CHMP6: variants seen among roughly 807,000 people sequenced by gnomAD.
The protein encoded by CHMP6 is charged multivesicular body protein 6, also known as chromatin-modifying protein 6.
A neutral mutation model predicts 32.8 loss-of-function variants in CHMP6; 10 were observed. The observed-to-expected ratio is 0.30, with a 90% CI of 0.19 to 0.52. The LOEUF (loss-of-function observed/expected upper bound fraction) is 0.52. Among genes scored for constraint, CHMP6 ranks in the 20% least tolerant of loss-of-function variants. CHMP6 has a pLI of 0.97. For missense variants in CHMP6, 269 were observed against 263.8 expected (o/e 1.02, Z -0.14); for synonymous variants, 123 against 105.8 (o/e 1.16, Z -1.00).
At chr17:80,999,055 G>A (rs1389448756) in intron 7 of CHMP6, 43 bp from the exon 8 acceptor site, 1 of 1,611,986 alleles carries the variant, frequency 6.2e-7, no homozygotes, top group Non-Finnish European at 8.5e-7. Context: ...GTCTCTGCCT[G>A]TGGGTCTTTG....
chr17:80,995,992 C>T (rs1783164040), intron 4 of CHMP6, among the ~76,000 whole-genome samples: 1 of 151,974 alleles, frequency 6.6e-6, no homozygotes, highest in South Asian at 2.1e-4. Context: ...GAAGGGAAGT[C>T]TGAGGGTGGG....
rs764165077 is a variant in CHMP6 at position 80,997,311 on chromosome 17, C to G, written c.465C>G (p.Ala155=). 1.8e-5 allele frequency: 29 copies of G among 1,610,936 alleles called. No individual in the cohort carries two copies. Among genetic ancestry groups the G allele is most frequent in the Non-Finnish European group, 2.4e-5 (28 of 1,178,194 alleles). ...AGSFTQEDED[A]ILEELSAITQ... ...GCTTCACTCAGGAGGATGAAGACGC[C>G]ATCCTGGAGGAGCTGAGCGCAATCA... Residue 155 remains alanine (A), a synonymous_variant, in exon 6 of 8, where the codon GCC becomes GCG. Coordinates refer to ENST00000325167, the MANE Select transcript of CHMP6 (RefSeq NM_024591.5).
rs1246129469 is a variant in CHMP6, at chr17:80,999,783, C to G, written c.*630C>G. The G allele has an allele frequency of 3.3e-5, 5 of 152,526 alleles. No homozygotes were observed. The highest frequency in any genetic ancestry group is 7.2e-5 in the African/African-American group (3 of 41,428). 9.4% of individuals were successfully genotyped at this position (152,526 alleles called of 1,614,324 possible). On this transcript the variant is annotated 3_prime_UTR_variant, in exon 8 of 8. Coordinates refer to ENST00000325167, the MANE Select transcript of CHMP6 (RefSeq NM_024591.5). ...GAGAGCCCTGACTCCCGCCTTGCCA[C>G]TCACGGCTCTGTCCACTAGGGCTCA...
At position 80,999,218 on chromosome 17, in the gene CHMP6, T is replaced by A; in HGVS notation, c.*65T>A. 6 of 1,589,516 alleles carry A rather than the reference T, an allele frequency of 3.8e-6. No homozygotes were observed. Among genetic ancestry groups the A allele is most frequent in the Non-Finnish European group, 5.2e-6 (6 of 1,158,682 alleles). ...GACTGTGGCCCACAGAGAGTTTGGG[T>A]CACGGCCAGCCCCTGACCGGGTTCC... is the stretch of plus-strand genomic sequence containing the variant. On this transcript the variant is annotated 3_prime_UTR_variant, in exon 8 of 8. Transcript: ENST00000325167.
chr17:80,995,550 G>C, intron 3 of CHMP6, 122 bp from the exon 4 acceptor site: 1 of 752,694 alleles, frequency 1.3e-6, no homozygotes, highest in Admixed American at 2.1e-5. Flanking sequence ...CAGGTGTCAG[G>C]AGTCACCCTC....
intron 7 of CHMP6, 96 bp downstream of exon 7, chr17:80,998,516 G>A: frequency 6.2e-7 from 1 of 1,604,392 alleles, no homozygotes; most frequent in South Asian, 1.1e-5. Context: ...GGCCTTCCTG[G>A]GCCGTGGGCA....
intron 6 of CHMP6, among the ~76,000 whole-genome samples, chr17:80,997,561 C>T (rs570898486): frequency 7.2e-5 from 11 of 152,186 alleles, no homozygotes; most frequent in African/African-American, 2.2e-4. Flanking sequence ...CTGGACAGAG[C>T]GGGGGTGCTG....
chr17:80,999,443 C>G lies in CHMP6; in HGVS notation c.*290C>G, dbSNP rs886563259. ...CCCGGTGGCCGAGGCCCAGGCCCAA[C>G]GCCTCTGGTGCTGTTCCCCTGCAGT... On this transcript the variant is annotated 3_prime_UTR_variant, in exon 8 of 8. Transcript: ENST00000325167. 1.1e-5 allele frequency: 5 copies of G among 436,528 alleles called. No individual in the cohort carries two copies. The highest frequency in any genetic ancestry group is 1.1e-4 in the Admixed American group (3 of 27,366). The allele number at this position is 436,528 out of a possible 1,614,324, so 27.0% of individuals were successfully genotyped here. A position where few individuals can be genotyped will look rare whatever the true frequency, so the allele number is the denominator to read the frequency against.
chr17:80,998,234 C>A, intron 6 of CHMP6, 132 bp from the exon 7 acceptor site: 2 of 1,015,626 alleles, frequency 2.0e-6, no homozygotes, highest in Non-Finnish European at 1.5e-6. Flanking sequence ...GTCTTCTGAG[C>A]AGCACGTTCC....
chr17:80,999,537 C>T lies in CHMP6; in HGVS notation c.*384C>T. 1 of 210,338 alleles carries T rather than the reference C, an allele frequency of 4.8e-6. No individual in the cohort carries two copies. Among genetic ancestry groups the T allele is most frequent in the Non-Finnish European group, 9.6e-6 (1 of 103,884 alleles). The allele number at this position is 210,338 out of a possible 1,614,324, so 13.0% of individuals were successfully genotyped here. A position where few individuals can be genotyped will look rare whatever the true frequency, so the allele number is the denominator to read the frequency against. On this transcript the variant is annotated 3_prime_UTR_variant, in exon 8 of 8. Coordinates refer to ENST00000325167, the MANE Select transcript of CHMP6 (RefSeq NM_024591.5). ...CCAGACCTTGGGGTCCCCGCGCTTC[C>T]TCTTGCTCCTCGCTGCTCCCATTAG...
chr17:80,993,042 C>T (rs2069606457), intron 1 of CHMP6, among the ~76,000 whole-genome samples: 1 of 152,196 alleles, frequency 6.6e-6, no homozygotes, highest in Non-Finnish European at 1.5e-5. Context: ...CAGCTGGACC[C>T]AGCCTCCATC....
intron 1 of CHMP6, among the ~76,000 whole-genome samples, chr17:80,993,213 G>A (rs1455986311): frequency 6.6e-6 from 1 of 152,132 alleles, no homozygotes; most frequent in African/African-American, 2.4e-5. Context: ...GGTCTCCCTG[G>A]GATTTTGGGT....
chr17:80,996,870 A>C, intron 4 of CHMP6, 137 bp from the exon 5 acceptor site: 1 of 907,564 alleles, frequency 1.1e-6, no homozygotes, highest in Non-Finnish European at 1.6e-6. Context: ...TGGGCAACAC[A>C]GCCAGACCTT....
chr17:80,999,066 G>C (rs772589049), intron 7 of CHMP6, 32 bp from the exon 8 acceptor site: 1 of 1,613,080 alleles, frequency 6.2e-7, no homozygotes, highest in South Asian at 1.1e-5. Context: ...TGGGTCTTTG[G>C]CGTGTCATAA....
chr17:80,993,585 C>T (rs1438932070), intron 1 of CHMP6, among the ~76,000 whole-genome samples: 2 of 152,256 alleles, frequency 1.3e-5, no homozygotes, highest in East Asian at 1.9e-4. Flanking sequence ...TCTCCTCAGC[C>T]TCCTGCCTTA....
chr17:80,996,319 C>G (rs1008927281), intron 4 of CHMP6, among the ~76,000 whole-genome samples: 1 of 144,230 alleles, frequency 6.9e-6, no homozygotes, highest in African/African-American at 2.7e-5. Flanking sequence ...AACTCCGTCT[C>G]AGGAAAAAAA....
Position 80,994,569 on chromosome 17 carries a change from C to A in CHMP6, c.64-12C>A, listed in dbSNP as rs1217901473. On this transcript the variant is annotated splice_polypyrimidine_tract_variant and intron_variant, in intron 1 of 7. Coordinates refer to ENST00000325167, the MANE Select transcript of CHMP6 (RefSeq NM_024591.5). Reference sequence around the variant, plus strand: ...TGGGCTCGGTGACGCCAGGCCCTCTCTCTCTTGGCAGCAACTGAAGCAGCA... The same window carrying A: ...TGGGCTCGGTGACGCCAGGCCCTCTATCTCTTGGCAGCAACTGAAGCAGCA... 1.3e-6 allele frequency: 2 copies of A among 1,556,832 alleles called. No homozygotes were observed. Among genetic ancestry groups the A allele is most frequent in the Non-Finnish European group, 1.7e-6 (2 of 1,151,782 alleles).
In CHMP6 at chr17:80,997,400, G is replaced by C; in HGVS notation, c.495+59G>C. 9.1e-6 allele frequency: 13 copies of C among 1,434,562 alleles called. 1 individual carries two copies. The South Asian group carries it at 9.4e-5, about 10-fold the overall frequency. The allele number at this position is 1,434,562 out of a possible 1,614,324, so 88.9% of individuals were successfully genotyped here. A position where few individuals can be genotyped will look rare whatever the true frequency, so the allele number is the denominator to read the frequency against. The stretch of plus-strand genomic sequence containing the variant: ...CAGGCAGCGGGACCCCCAGAGCTCA[G>C]ACCCCCAGGAGGCCCTGCCCATGGT... On this transcript the variant is annotated intron_variant, in intron 6 of 7. Transcript: ENST00000325167.
intron 4 of CHMP6, among the ~76,000 whole-genome samples, chr17:80,996,802 G>A (rs984180062): frequency 6.6e-6 from 1 of 152,188 alleles, no homozygotes; most frequent in Non-Finnish European, 1.5e-5. Flanking sequence ...ACAGGAGCTG[G>A]GTGTGGTGGC....
Sources: allele counts gnomAD v4.1 joint callset (sites outside exome capture counted in the v4.1 genomes callset), GRCh38; gene constraint gnomAD v4.1.1; transcripts MANE v1.5; gene names NCBI Gene and HGNC (gene_info 2026-07-23, HGNC 2026-07-21).